SERINC4: variants seen among roughly 807,000 people sequenced by gnomAD.
SERINC4 encodes the protein serine incorporator 4.
In SERINC4, 52 loss-of-function variants were observed where a neutral mutation model predicts 52.0. The observed-to-expected ratio is 1.00, with a 90% CI of 0.80 to 1.26. SERINC4 has a LOEUF of 1.26. Ranked by LOEUF, SERINC4 falls within the 50% of genes most tolerant of loss-of-function variation. The pLI is 0.00. For synonymous variants in SERINC4, 264 were observed against 247.7 expected, an observed-to-expected ratio of 1.07 and a Z score of -0.62; for missense variants, 723 against 632.8, an observed-to-expected ratio of 1.14 and a Z score of -1.53.
rs1380592634 is a variant in SERINC4, at chr15:43,794,298, T to C, written c.*702A>G. The C allele has an allele frequency of 7.5e-6, 2 of 266,380 alleles. No homozygotes were observed. The highest frequency in any genetic ancestry group is 9.8e-5 in the South Asian group (1 of 10,246). The allele number at this position is 266,380 out of a possible 1,614,324, so 16.5% of individuals were successfully genotyped here. Reference sequence around the variant, plus strand: ...TTTTGTTCCCCACCCTTGAACACCATCTCTAGGATGGAGTTGGCCTAAGAG... The same window carrying C: ...TTTTGTTCCCCACCCTTGAACACCACCTCTAGGATGGAGTTGGCCTAAGAG... On this transcript the variant is annotated 3_prime_UTR_variant, in exon 12 of 12. Coordinates refer to ENST00000319327, the MANE Select transcript of SERINC4 (RefSeq NM_001258031.2).
At position 43,796,643 on chromosome 15, in the gene SERINC4, A is replaced by T. The variant is rs745328577; in HGVS notation, c.1040T>A (p.Ile347Asn). 1 of 1,614,076 alleles carries T rather than the reference A, an allele frequency of 6.2e-7. No homozygotes were observed. The highest frequency in any genetic ancestry group is 1.1e-5 in the South Asian group (1 of 91,082). The change falls in exon 8 of 12, where the codon ATC (isoleucine) becomes AAC (asparagine). Residue 347 changes from isoleucine to asparagine, a missense_variant. By Grantham distance (149) the Ile-to-Asn change is moderately radical (BLOSUM62 -3). Coordinates refer to ENST00000319327, the MANE Select transcript of SERINC4 (RefSeq NM_001258031.2). ...AGCAAAAAGCACACAAGCATACATGATGCTAGCACTCAGCATTGCTAGAGA... is the reference window on the plus strand; with the variant it reads ...AGCAAAAAGCACACAAGCATACATGTTGCTAGCACTCAGCATTGCTAGAGA... ...DISLAMLSAS[I>N]MYACVLFACN... is the part of the protein sequence containing the mutation.
At position 43,795,504 on chromosome 15, in the gene SERINC4, T is replaced by G; in HGVS notation, c.1227A>C (p.Glu409Asp). The part of the protein sequence containing the change: ...RGGAARPADQ[E>D]TPPAPPVQVQ... ...CTTGGACTGGAGGAGCTGGAGGGGT[T>G]TCTTGGTCAGCTGGCCTCGCAGCCC... Residue 409 changes from glutamate to aspartate, a missense_variant, in exon 11 of 12, where the codon GAA (glutamate) becomes GAC (aspartate). Physicochemically the swap from Glu to Asp is conservative, Grantham distance 45. Coordinates refer to ENST00000319327, the MANE Select transcript of SERINC4 (RefSeq NM_001258031.2). 6.2e-7 allele frequency: 1 copy of G among 1,614,098 alleles called. No individual in the cohort carries two copies. Among genetic ancestry groups the G allele is most frequent in the Non-Finnish European group, 8.5e-7 (1 of 1,180,010 alleles).
intron 9 of SERINC4, 134 bp from the exon 10 acceptor site, chr15:43,795,870 C>G: frequency 1.2e-6 from 1 of 841,862 alleles, no homozygotes; most frequent in South Asian, 1.7e-5. Flanking sequence ...CTAGCTCCAG[C>G]ATATAAGTGG....
In SERINC4 at chr15:43,797,371, TG is replaced by T; in HGVS notation, c.633-16del. ...CACCTGTCTGCCTAAGGGTGGAAAG[TG>T]GGCAATGGCTTGGAGCTCCAGCATT... On this transcript the variant is annotated splice_polypyrimidine_tract_variant and intron_variant, in intron 5 of 11. Transcript: ENST00000319327. 6.5e-7 allele frequency: 1 copy of T among 1,536,418 alleles called. No individual in the cohort carries two copies. Among genetic ancestry groups the T allele is most frequent in the South Asian group, 1.2e-5 (1 of 82,206 alleles).
rs928805527 is a variant in SERINC4 at position 43,799,891 on chromosome 15, G to T, written c.96C>A (p.Phe32Leu). The T allele has an allele frequency of 1.9e-6, 3 of 1,547,538 alleles. No homozygotes were observed. Among genetic ancestry groups the T allele is most frequent in the Admixed American group, 2.0e-5 (1 of 50,468 alleles). Residue 32 changes from phenylalanine (F) to leucine (L), a missense_variant, in exon 1 of 12, where the codon TTC (phenylalanine) becomes TTA (leucine). Phe to Leu is a conservative substitution (Grantham distance 22). Coordinates refer to ENST00000319327, the MANE Select transcript of SERINC4 (RefSeq NM_001258031.2). ...GGSSVLVKSP[F>L]CQVCCCGPAP... Reference sequence around the variant, plus strand: ...CCCCTTCGCACCCTCTCACCTGACAGAAGGGACTTTTCACTAGGACACTGC... The same window carrying T: ...CCCCTTCGCACCCTCTCACCTGACATAAGGGACTTTTCACTAGGACACTGC...
intron 11 of SERINC4, 85 bp from the exon 12 acceptor site, chr15:43,795,298 G>C: frequency 6.3e-7 from 1 of 1,588,626 alleles, no homozygotes; most frequent in Admixed American, 1.7e-5. Context: ...TATAATGGCA[G>C]ACCCATGTGT....
Position 43,797,853 on chromosome 15 carries a change from A to G in SERINC4, c.632+67T>C, listed in dbSNP as rs372494001. ...CAGTGCTCTGCCGTGCCTTTTGCCCAGCCCTTTCCATGTAGTAATACTAGA... is the reference window on the plus strand; with the variant it reads ...CAGTGCTCTGCCGTGCCTTTTGCCCGGCCCTTTCCATGTAGTAATACTAGA... On this transcript the variant is annotated intron_variant, in intron 5 of 11. Transcript: ENST00000319327. 29 of 1,171,722 alleles carry G rather than the reference A, an allele frequency of 2.5e-5. No individual in the cohort carries two copies. In the East Asian group the frequency reaches 4.7e-4, roughly 19 times the overall value. The allele number at this position is 1,171,722 out of a possible 1,614,324, so 72.6% of individuals were successfully genotyped here.
At chr15:43,798,567 C>G in intron 3 of SERINC4, 63 bp from the exon 4 acceptor site, 1 of 1,283,544 alleles carries the variant, frequency 7.8e-7, no homozygotes. Flanking sequence ...TGAAGAGTGC[C>G]TATGGGGAAA....
At chr15:43,799,243 C>T (rs1192872338) in intron 2 of SERINC4, 67 bp downstream of exon 2, 3 of 1,519,864 alleles carry the variant, frequency 2.0e-6, no homozygotes, top group Non-Finnish European at 2.7e-6. Context: ...CCAACCGAAA[C>T]CTTTTCTATC....
intron 3 of SERINC4, 102 bp downstream of exon 3, chr15:43,798,857 G>A (rs2087262142): frequency 8.3e-7 from 1 of 1,205,606 alleles, no homozygotes; most frequent in Non-Finnish European, 1.2e-6. Context: ...CCTGTTTTCT[G>A]TCTTTTTACA....
chr15:43,799,275 C>T (rs777387788), intron 2 of SERINC4, 35 bp downstream of exon 2: 22 of 1,540,782 alleles, frequency 1.4e-5, no homozygotes, highest in Non-Finnish European at 1.6e-5. Flanking sequence ...CCTTTTATCT[C>T]TTCCCACCTG....
At chr15:43,799,192 C>T in intron 2 of SERINC4, 55 bp from the exon 3 acceptor site, 2 of 1,516,436 alleles carry the variant, frequency 1.3e-6, no homozygotes, top group Non-Finnish European at 1.8e-6. Flanking sequence ...TGGAAAGGTA[C>T]CTACTTGTCA....
At chr15:43,799,759 T>C in intron 1 of SERINC4, 126 bp downstream of exon 1, 2 of 868,176 alleles carry the variant, frequency 2.3e-6, no homozygotes, top group South Asian at 2.8e-5. Flanking sequence ...CGGGAGAGAT[T>C]TACAGATTAT....
chr15:43,796,674 C>A lies in SERINC4; in HGVS notation c.1009G>T (p.Asp337Tyr). 3 of 1,614,112 alleles carry A rather than the reference C, an allele frequency of 1.9e-6. No individual in the cohort carries two copies. The highest frequency in any genetic ancestry group is 2.5e-6 in the Non-Finnish European group (3 of 1,180,006). The change falls in exon 8 of 12, where the codon GAT becomes TAT. Residue 337 changes from aspartate to tyrosine, a missense_variant. Coordinates refer to ENST00000319327, the MANE Select transcript of SERINC4 (RefSeq NM_001258031.2). The stretch of plus-strand genomic sequence containing the variant: ...GCACTCAGCATTGCTAGAGAGATAT[C>A]TGGTGTTTGGGGTTCCATTTTACTC... ...GLSKMEPQTP[D>Y]ISLAMLSASI... is the part of the protein sequence containing the mutation.
Position 43,795,162 on chromosome 15 carries a change from G to C in SERINC4, c.1395C>G (p.Thr465=), listed in dbSNP as rs138021432. The change falls in exon 12 of 12, where the codon ACC becomes ACG. Residue 465 remains threonine (T), a synonymous_variant. Coordinates refer to ENST00000319327, the MANE Select transcript of SERINC4 (RefSeq NM_001258031.2). ...AGCATGAGGCAACCTTGACCCAGAA[G>C]GTGGCCCAGCTACCCTTGATGAAGG... ...EKTFIKGSWA[T]FWVKVASCWA... is the part of the protein sequence containing the mutation. The C allele has an allele frequency of 1.9e-6, 3 of 1,614,144 alleles. No homozygotes were observed. Among genetic ancestry groups the C allele is most frequent in the Non-Finnish European group, 2.5e-6 (3 of 1,180,034 alleles).
intron 9 of SERINC4, 71 bp from the exon 10 acceptor site, chr15:43,795,807 C>T: frequency 2.0e-6 from 3 of 1,518,572 alleles, no homozygotes; most frequent in South Asian, 1.2e-5. Flanking sequence ...AAACTTCCCC[C>T]GTGAAAAGAT....
At chr15:43,799,840 T>A in intron 1 of SERINC4, 45 bp downstream of exon 1, 1 of 1,409,944 alleles carries the variant, frequency 7.1e-7, no homozygotes, top group Non-Finnish European at 9.7e-7. Flanking sequence ...CTTCTGCACG[T>A]CTTCCTCCCC....
chr15:43,795,283 C>A (rs772521828), intron 11 of SERINC4, 70 bp from the exon 12 acceptor site: 48 of 1,591,448 alleles, frequency 3.0e-5, no homozygotes, highest in Non-Finnish European at 4.0e-5. Flanking sequence ...TACCTCCTCA[C>A]CAAATATAAT....
intron 3 of SERINC4, 47 bp from the exon 4 acceptor site, chr15:43,798,551 G>T: frequency 7.0e-7 from 1 of 1,423,416 alleles, no homozygotes; most frequent in South Asian, 1.1e-5. Flanking sequence ...AAAAGGCAAA[G>T]GACAGTGAAG....
Sources: allele counts gnomAD v4.1 joint callset, GRCh38; gene constraint gnomAD v4.1.1; transcripts MANE v1.5; gene names NCBI Gene and HGNC (gene_info 2026-07-23, HGNC 2026-07-21).